Variants in MEX3C observed in about 807,000 individuals in gnomAD.
MEX3C encodes RNA-binding E3 ubiquitin-protein ligase MEX3C.
MEX3C carries 15 observed loss-of-function variants against 35.5 expected under a neutral mutation model. That is an observed-to-expected ratio of 0.42 (90% CI 0.28 to 0.65). The LOEUF (loss-of-function observed/expected upper bound fraction) is 0.65, where lower values mean the gene tolerates loss of function less well. MEX3C is among the 30% of genes least tolerant of loss of function. The pLI, the probability that MEX3C is intolerant of heterozygous loss-of-function variation, is 0.20. For synonymous variants in MEX3C, 390 were observed against 352.8 expected, an observed-to-expected ratio of 1.11 and a Z score of -1.18; for missense variants, 711 against 842.8, an observed-to-expected ratio of 0.84 and a Z score of 1.94.
At chr18:51,192,359 A>C (rs1303791119) in intron 1 of MEX3C, among the ~76,000 whole-genome samples, 1 of 152,198 alleles carries the variant, frequency 6.6e-6, no homozygotes. Flanking sequence ...CCCAGAACTA[A>C]TACAAACCAT....
At chr18:51,179,080 C>T (rs1009706575) in intron 1 of MEX3C, among the ~76,000 whole-genome samples, 52 of 151,374 alleles carry the variant, frequency 3.4e-4, no homozygotes, top group Non-Finnish European at 2.1e-4. Flanking sequence ...CTCGGCTGAC[C>T]GCAACCTCCA....
At chr18:51,178,088 A>G (rs1441641610) in intron 1 of MEX3C, among the ~76,000 whole-genome samples, 2 of 152,180 alleles carry the variant, frequency 1.3e-5, no homozygotes, top group Non-Finnish European at 2.9e-5. Flanking sequence ...AAAAGCTGCT[A>G]CTGAATTATG....
intron 1 of MEX3C, among the ~76,000 whole-genome samples, chr18:51,180,721 G>T (rs1029270933): frequency 1.3e-5 from 2 of 152,206 alleles, no homozygotes; most frequent in African/African-American, 4.8e-5. Context: ...GAACTCAGGT[G>T]ATCTGCCCGC....
chr18:51,181,370 A>G (rs1912426795), intron 1 of MEX3C, among the ~76,000 whole-genome samples: 1 of 152,138 alleles, frequency 6.6e-6, no homozygotes, highest in Non-Finnish European at 1.5e-5. Context: ...ACAAAAACCC[A>G]ATAAAAGGGT....
rs201118995 is a variant in MEX3C at position 51,179,015 on chromosome 18, TC to T, written c.755-1440del. ...CACTTTAGTCAGATGATGCTTTTTT[TC>T]TTTTTGAGACAGAGTCTCGCTCTGT... On this transcript the variant is annotated intron_variant, in intron 1 of 1. Transcript: ENST00000406189. 1.4e-3 allele frequency among the ~76,000 whole-genome samples: 200 copies of T among 148,074 alleles called. 1 individual carries two copies. Among genetic ancestry groups the T allele is most frequent in the Non-Finnish European group, 1.5e-3 (102 of 66,536 alleles).
intron 1 of MEX3C, among the ~76,000 whole-genome samples, chr18:51,178,924 C>T (rs1912363397): frequency 6.6e-6 from 1 of 151,234 alleles, no homozygotes; most frequent in Non-Finnish European, 1.5e-5. Flanking sequence ...GTGTCACAAT[C>T]TGAGCATGTC....
At chr18:51,189,151 A>T (rs1912602667) in intron 1 of MEX3C, among the ~76,000 whole-genome samples, 1 of 152,250 alleles carries the variant, frequency 6.6e-6, no homozygotes, top group Non-Finnish European at 1.5e-5. Flanking sequence ...AAGACAAGTG[A>T]ACTGATTTTT....
chr18:51,181,923 AT>A (rs1267281525), intron 1 of MEX3C, among the ~76,000 whole-genome samples: 1 of 152,242 alleles, frequency 6.6e-6, no homozygotes, highest in Non-Finnish European at 1.5e-5. Flanking sequence ...GTCTTAGCAT[AT>A]TGATTAGACG....
intron 1 of MEX3C, chr18:51,196,256 A>C (rs1599259327): frequency 2.1e-6 from 1 of 466,854 alleles, no homozygotes. Flanking sequence ...ACCTTTTACC[A>C]CCTCACTGAG....
intron 1 of MEX3C, among the ~76,000 whole-genome samples, chr18:51,181,281 A>G (rs1912423273): frequency 6.6e-6 from 1 of 151,866 alleles, no homozygotes; most frequent in African/African-American, 2.4e-5. Context: ...GAAATGGCTA[A>G]TTTCTCACTT....
Position 51,196,679 on chromosome 18 carries a change from C to G in MEX3C, c.642G>C (p.Ala214=). The change falls in exon 1 of 2, where the codon GCG becomes GCC. Residue 214 remains alanine (A), a synonymous_variant. Coordinates refer to ENST00000406189, the MANE Select transcript of MEX3C (RefSeq NM_016626.5). The part of the protein sequence containing the change: ...AYGPGGCGAA[A]AALNGEQAAL... ...CCGCCTGCTCCCCGTTCAGGGCGGC[C>G]GCCGCCGCCCCACAACCGCCGGGGC... The G allele has an allele frequency of 6.5e-7, 1 of 1,545,346 alleles. No homozygotes were observed. Among genetic ancestry groups the G allele is most frequent in the Non-Finnish European group, 8.7e-7 (1 of 1,150,900 alleles).
chr18:51,196,872 G>A lies in MEX3C; in HGVS notation c.449C>T (p.Thr150Ile). Residue 150 changes from threonine to isoleucine, a missense_variant, in exon 1 of 2, where the codon ACC (threonine) becomes ATC (isoleucine). This residue lies in a region of MEX3C where 354 missense variants were observed against 311.6 expected (regional missense o/e 1.14). Coordinates refer to ENST00000406189, the MANE Select transcript of MEX3C (RefSeq NM_016626.5). ...CGGGATCTGCTGGGTCTGAGAGGCG[G>A]TGGCCGCGGGCGGCGACAGCAGCAG... ...SLLLLSPPAA[T>I]ASQTQQIPGG... 4.5e-6 allele frequency: 7 copies of A among 1,539,730 alleles called. No homozygotes were observed. The highest frequency in any genetic ancestry group is 6.1e-6 in the Non-Finnish European group (7 of 1,145,584).
intron 1 of MEX3C, among the ~76,000 whole-genome samples, chr18:51,184,326 G>A (rs546373162): frequency 4.6e-4 from 70 of 152,192 alleles, no homozygotes; most frequent in African/African-American, 1.6e-3. Flanking sequence ...ACCCTGAACA[G>A]ACACACCATG....
intron 1 of MEX3C, among the ~76,000 whole-genome samples, chr18:51,181,604 C>T (rs1040620757): frequency 3.3e-5 from 5 of 152,222 alleles, no homozygotes; most frequent in African/African-American, 7.2e-5. Flanking sequence ...TATATTCTTA[C>T]GCTTCTACAA....
In MEX3C at chr18:51,196,572, C is replaced by A. The variant is rs1390542431; in HGVS notation, c.749G>T (p.Arg250Leu). The A allele has an allele frequency of 1.9e-6, 3 of 1,583,954 alleles. No individual in the cohort carries two copies. The highest frequency in any genetic ancestry group is 2.7e-5 in the African/African-American group (2 of 74,154). The change falls in exon 1 of 2, where the codon CGC becomes CTC. Residue 250 changes from arginine (R) to leucine (L), a missense_variant. Physicochemically the swap from Arg to Leu is moderately radical, Grantham distance 102. Coordinates refer to ENST00000406189, the MANE Select transcript of MEX3C (RefSeq NM_016626.5). ...CTCCCCACCCCTGCACTCACCCTGG[C>A]GGCCGACGATCTCGGCGACGTGCTC... ...SSEHVAEIVGRQGCKIKALRA... is the reference protein window; with the variant it reads ...SSEHVAEIVGLQGCKIKALRA...
intron 1 of MEX3C, among the ~76,000 whole-genome samples, chr18:51,191,183 C>A (rs1417239659): frequency 1.3e-5 from 2 of 152,174 alleles, no homozygotes; most frequent in African/African-American, 2.4e-5. Flanking sequence ...CTGTAGTAGT[C>A]ATCATGGCTC....
At chr18:51,188,064 A>G (rs935925417) in intron 1 of MEX3C, among the ~76,000 whole-genome samples, 1 of 152,236 alleles carries the variant, frequency 6.6e-6, no homozygotes, top group Non-Finnish European at 1.5e-5. Context: ...TCCTAAATGC[A>G]TAATATAAAA....
chr18:51,180,477 G>GT (rs934392034), intron 1 of MEX3C, among the ~76,000 whole-genome samples: 12 of 151,030 alleles, frequency 7.9e-5, no homozygotes, highest in East Asian at 7.8e-4. Flanking sequence ...GCCAACCCTG[G>GT]TTTTTTTTTG....
chr18:51,190,993 C>T (rs8099086), intron 1 of MEX3C, among the ~76,000 whole-genome samples: 76,911 of 152,000 alleles, frequency 0.51, 19,586 homozygotes, highest in Non-Finnish European at 0.53. Context: ...TTAAACATAA[C>T]TATCCATGAT....
Sources: allele counts gnomAD v4.1 joint callset (sites outside exome capture counted in the v4.1 genomes callset), GRCh38; gene constraint gnomAD v4.1.1; regional missense constraint gnomAD v4.1.1; transcripts MANE v1.5; gene names NCBI Gene and HGNC (gene_info 2026-07-23, HGNC 2026-07-21).